SMYD3: variants seen among roughly 807,000 people sequenced by gnomAD.
The protein encoded by SMYD3 is SET and MYND domain containing 3.
A neutral mutation model predicts 57.7 loss-of-function variants in SMYD3; 36 were observed. The ratio of observed to expected loss-of-function variants is 0.62; its 90% CI spans 0.48 to 0.82. The LOEUF (loss-of-function observed/expected upper bound fraction) is 0.82, where lower values mean the gene tolerates loss of function less well. SMYD3 is among the 40% of genes least tolerant of loss of function. The pLI is 0.00. For missense variants in SMYD3, 515 were observed against 538.8 expected, an observed-to-expected ratio of 0.96 and a Z score of 0.44; for synonymous variants, 211 against 195.0, an observed-to-expected ratio of 1.08 and a Z score of -0.68.
At chr1:246,354,883 G>A in intron 2 of SMYD3, 148 bp downstream of exon 2, 2 of 687,876 alleles carry the variant, frequency 2.9e-6, no homozygotes, top group South Asian at 3.8e-5. Flanking sequence ...AATGTCCCTG[G>A]CAACCTGTGT....
At chr1:246,043,763 A>T (rs938483999) in intron 5 of SMYD3, among the ~76,000 whole-genome samples, 2 of 152,244 alleles carry the variant, frequency 1.3e-5, no homozygotes, top group African/African-American at 4.8e-5. Context: ...TAATTGTCTG[A>T]GGAGGTAGTT....
intron 1 of SMYD3, among the ~76,000 whole-genome samples, chr1:246,412,051 G>A (rs2066984714): frequency 6.6e-6 from 1 of 150,726 alleles, no homozygotes; most frequent in African/African-American, 2.4e-5. Context: ...CCCTGGCTGA[G>A]CCAACTTGCT....
intron 1 of SMYD3, among the ~76,000 whole-genome samples, chr1:246,384,532 A>T (rs2066440100): frequency 6.6e-6 from 1 of 152,022 alleles, no homozygotes; most frequent in Non-Finnish European, 1.5e-5. Context: ...AGAAGCTGGG[A>T]TTACAGGTGC....
intron 5 of SMYD3, among the ~76,000 whole-genome samples, chr1:245,952,725 G>A (rs57935195): frequency 0.17 from 26,506 of 152,102 alleles, 2,998 homozygotes; most frequent in East Asian, 0.46. Flanking sequence ...AATATGTTTT[G>A]TAGTGTAATG....
intron 5 of SMYD3, among the ~76,000 whole-genome samples, chr1:246,115,259 G>C (rs1216460105): frequency 6.6e-6 from 1 of 152,214 alleles, no homozygotes; most frequent in Non-Finnish European, 1.5e-5. Flanking sequence ...AGAGGTAACA[G>C]TAGCAGGTGC....
chr1:246,451,020 G>C (rs1401179153), intron 1 of SMYD3, among the ~76,000 whole-genome samples: 1 of 152,134 alleles, frequency 6.6e-6, no homozygotes, highest in Non-Finnish European at 1.5e-5. Flanking sequence ...CCCAATGGTG[G>C]GTCACAAACT....
At chr1:246,173,381 A>G (rs879680342) in intron 5 of SMYD3, among the ~76,000 whole-genome samples, 14 of 152,232 alleles carry the variant, frequency 9.2e-5, no homozygotes, top group Non-Finnish European at 1.5e-4. Flanking sequence ...GCTACACTAC[A>G]TTTATTAAAA....
chr1:246,075,561 A>G (rs376298962), intron 5 of SMYD3, among the ~76,000 whole-genome samples: 1 of 152,178 alleles, frequency 6.6e-6, no homozygotes, highest in Admixed American at 6.5e-5. Flanking sequence ...ATAAAAGAAA[A>G]CTAAAATAAT....
chr1:245,758,701 T>G (rs1322306058), intron 11 of SMYD3, among the ~76,000 whole-genome samples: 2 of 152,212 alleles, frequency 1.3e-5, no homozygotes, highest in East Asian at 3.8e-4. Flanking sequence ...GATTTTCTAT[T>G]TTTTCCATTT....
chr1:246,404,705 A>C (rs1345785814), intron 1 of SMYD3, among the ~76,000 whole-genome samples: 3 of 152,000 alleles, frequency 2.0e-5, no homozygotes, highest in African/African-American at 7.2e-5. Flanking sequence ...GCTCTCCAAT[A>C]CTGGCCACAT....
chr1:246,324,341 G>C (rs1243290120), intron 5 of SMYD3, among the ~76,000 whole-genome samples: 1 of 151,402 alleles, frequency 6.6e-6, no homozygotes, highest in African/African-American at 2.4e-5. Context: ...CTTGAACCCG[G>C]GAGGCGGAGG....
At chr1:246,223,353 T>C (rs1034730140) in intron 5 of SMYD3, among the ~76,000 whole-genome samples, 4 of 152,122 alleles carry the variant, frequency 2.6e-5, no homozygotes, top group Non-Finnish European at 4.4e-5. Flanking sequence ...ACAGAAAGAA[T>C]TAATCAAGAG....
At chr1:245,761,421 C>A (rs923183939) in intron 11 of SMYD3, among the ~76,000 whole-genome samples, 1 of 152,174 alleles carries the variant, frequency 6.6e-6, no homozygotes, top group African/African-American at 2.4e-5. Context: ...TCAGTACCAT[C>A]AGCCCAGGCC....
Position 246,096,621 on chromosome 1 carries a change from C to A in SMYD3, c.532-166684G>T, listed in dbSNP as rs139504626. ...TTAGATGTTCTGATTAATACGGGTA[C>A]TTGGGAGCCTAAACACAAAGACCTA... On this transcript the variant is annotated intron_variant, in intron 5 of 11. Coordinates refer to ENST00000490107, the MANE Select transcript of SMYD3 (RefSeq NM_001167740.2). 6.7e-3 allele frequency among the ~76,000 whole-genome samples: 1,019 copies of A among 152,240 alleles called. 6 individuals are homozygous for A. Among genetic ancestry groups the A allele is most frequent in the Middle Eastern group, 0.034 (10 of 294 alleles).
chr1:245,807,124 G>C (rs2048219806), intron 10 of SMYD3, among the ~76,000 whole-genome samples: 1 of 151,854 alleles, frequency 6.6e-6, no homozygotes, highest in Admixed American at 6.6e-5. Flanking sequence ...GGTGCAACTG[G>C]GAGGCTTGCT....
At chr1:246,212,444 A>G (rs2063105035) in intron 5 of SMYD3, among the ~76,000 whole-genome samples, 1 of 152,190 alleles carries the variant, frequency 6.6e-6, no homozygotes, top group Admixed American at 6.5e-5. Flanking sequence ...ACATAAAAGC[A>G]GCCAATACAT....
intron 5 of SMYD3, among the ~76,000 whole-genome samples, chr1:245,969,739 A>G (rs2058248616): frequency 6.6e-6 from 1 of 152,222 alleles, no homozygotes; most frequent in African/African-American, 2.4e-5. Context: ...TTCAAACTAC[A>G]TTAGGAAAAG....
At chr1:246,492,301 G>A (rs2068284584) in intron 1 of SMYD3, among the ~76,000 whole-genome samples, 2 of 152,122 alleles carry the variant, frequency 1.3e-5, no homozygotes, top group South Asian at 2.1e-4. Context: ...GCTCTGATTC[G>A]ATCAGTACTG....
At chr1:246,021,712 T>C (rs12079346) in intron 5 of SMYD3, among the ~76,000 whole-genome samples, 62 of 152,352 alleles carry the variant, frequency 4.1e-4, no homozygotes, top group African/African-American at 1.4e-3. Context: ...TCAATTCTAT[T>C]GCTTTCTCAG....
Sources: allele counts gnomAD v4.1 joint callset (sites outside exome capture counted in the v4.1 genomes callset), GRCh38; gene constraint gnomAD v4.1.1; transcripts MANE v1.5; gene names NCBI Gene and HGNC (gene_info 2026-07-23, HGNC 2026-07-21).